PCSK6: variants seen among roughly 807,000 people sequenced by gnomAD.
PCSK6 encodes the protein proprotein convertase subtilisin/kexin type 6, also known as paired basic amino acid cleaving enzyme 4.
A neutral mutation model predicts 123.3 loss-of-function variants in PCSK6; 85 were observed. The ratio of observed to expected loss-of-function variants is 0.69; its 90% CI spans 0.58 to 0.83. PCSK6 has a LOEUF of 0.83. PCSK6 is among the 40% of genes least tolerant of loss of function. The pLI, the probability that PCSK6 is intolerant of heterozygous loss-of-function variation, is 0.00. For synonymous variants in PCSK6, 508 were observed against 516.0 expected (o/e 0.98, Z 0.21); for missense variants, 1,191 against 1,282.3 (o/e 0.93, Z 1.09).
Position 101,396,882 on chromosome 15 carries a change from G to A in PCSK6, c.996+1522C>T, listed in dbSNP as rs8029137. On this transcript the variant is annotated intron_variant, in intron 7 of 21. Transcript: ENST00000611716. ...CTTAATTTTCCTTCTCACATTTAGT[G>A]TCTGGGTGAGTACTAAACTCGGAGG... 9.0e-3 allele frequency among the ~76,000 whole-genome samples: 1,363 copies of A among 152,258 alleles called. 21 individuals carry two copies. The highest frequency in any genetic ancestry group is 0.031 in the African/African-American group (1,293 of 41,538).
chr15:101,458,660 T>C (rs1368017820), intron 1 of PCSK6, among the ~76,000 whole-genome samples: 2 of 152,160 alleles, frequency 1.3e-5, no homozygotes, highest in African/African-American at 4.8e-5. Flanking sequence ...AGGCTCCACA[T>C]ACCCAGCAGA....
intron 13 of PCSK6, chr15:101,347,132 C>T: frequency 8.1e-7 from 1 of 1,231,732 alleles, no homozygotes; most frequent in Non-Finnish European, 1.0e-6. Context: ...ATTGCACTTT[C>T]CAGAAATGAG....
At chr15:101,489,341 A>G (rs1266565289) in intron 1 of PCSK6, 33 bp downstream of exon 1, 77 of 1,105,566 alleles carry the variant, frequency 7.0e-5, no homozygotes, top group Non-Finnish European at 8.3e-5. Context: ...GCCGCCGGGA[A>G]AGTTTTGGGC....
intron 8 of PCSK6, among the ~76,000 whole-genome samples, 177 bp from the exon 9 acceptor site, chr15:101,389,741 C>T (rs1301728887): frequency 6.6e-6 from 1 of 152,220 alleles, no homozygotes; most frequent in African/African-American, 2.4e-5. Context: ...ACATCTGGTG[C>T]TCCCTGCTAA....
chr15:101,416,911 G>A (rs1201832826), intron 6 of PCSK6, among the ~76,000 whole-genome samples: 2 of 152,198 alleles, frequency 1.3e-5, no homozygotes, highest in East Asian at 1.9e-4. Flanking sequence ...CTGCAGGGGT[G>A]GGGCCCTCAT....
At chr15:101,345,948 G>A (rs539611457) in intron 13 of PCSK6, among the ~76,000 whole-genome samples, 6 of 152,324 alleles carry the variant, frequency 3.9e-5, no homozygotes, top group Non-Finnish European at 5.9e-5. Context: ...GATTACAAGC[G>A]TGAGCCACCA....
chr15:101,371,819 G>A (rs1321112839), intron 11 of PCSK6, among the ~76,000 whole-genome samples: 4 of 152,190 alleles, frequency 2.6e-5, no homozygotes, highest in Non-Finnish European at 5.9e-5. Flanking sequence ...CATGCTGATC[G>A]AGGGTGCCAA....
chr15:101,412,459 A>G (rs1451260863), intron 6 of PCSK6, among the ~76,000 whole-genome samples: 1 of 152,036 alleles, frequency 6.6e-6, no homozygotes, highest in Admixed American at 6.5e-5. Context: ...ATATTAATAA[A>G]GATTTTAAAG....
chr15:101,339,485 C>T (rs1357065296), intron 13 of PCSK6, among the ~76,000 whole-genome samples: 4 of 152,184 alleles, frequency 2.6e-5, no homozygotes, highest in Admixed American at 6.5e-5. Flanking sequence ...AAGCTTACTT[C>T]CATCCATTTA....
At chr15:101,341,503 C>T (rs1390399046) in intron 13 of PCSK6, among the ~76,000 whole-genome samples, 2 of 152,114 alleles carry the variant, frequency 1.3e-5, no homozygotes, top group Admixed American at 6.5e-5. Context: ...CTCAGGTGAT[C>T]TGGCCACCTT....
rs188547015 is a variant in PCSK6 at position 101,393,353 on chromosome 15, C to T, written c.1068G>A (p.Ser356=). The T allele has an allele frequency of 7.2e-5, 115 of 1,607,144 alleles. No individual in the cohort carries two copies. The East Asian group carries it at 1.7e-3, about 24-fold the overall frequency. ...GNGGREGDYC[S]CDGYTNSIYT... ...AGATGCTGTTGGTGTAGCCATCGCA[C>T]GAGCAGTAGTCCCCCTCTCTCCCGC... The change falls in exon 8 of 22, where the codon TCG becomes TCA. Residue 356 remains serine (S), a synonymous_variant. Coordinates refer to ENST00000611716, the MANE Select transcript of PCSK6 (RefSeq NM_002570.5).
chr15:101,326,254 G>A (rs2040249476), intron 16 of PCSK6, 123 bp downstream of exon 16: 3 of 697,350 alleles, frequency 4.3e-6, no homozygotes, highest in Non-Finnish European at 7.3e-6. Context: ...GTTAACTTCA[G>A]TGTGATGATT....
rs2141467292 is a variant in PCSK6, at chr15:101,370,494, G to C, written c.1562C>G (p.Thr521Ser). The change falls in exon 12 of 22, where the codon ACT (threonine) becomes AGT (serine). Residue 521 changes from threonine (T) to serine (S), a missense_variant. This residue lies in a region of PCSK6 where 630 missense variants were observed against 631.4 expected (regional missense o/e 1.00). Coordinates refer to ENST00000611716, the MANE Select transcript of PCSK6 (RefSeq NM_002570.5). ...RSIPLVQVLR[T>S]TALTSACAEH... ...CGCGCAGGCGCTGGTCAGGGCCGTA[G>C]TCCGCAGCACCTGCACTAAGGGGAT... is the stretch of plus-strand genomic sequence containing the variant. The C allele has an allele frequency of 6.5e-7, 1 of 1,535,830 alleles. No homozygotes were observed. Among genetic ancestry groups the C allele is most frequent in the East Asian group, 2.5e-5 (1 of 40,528 alleles).
intron 17 of PCSK6, among the ~76,000 whole-genome samples, chr15:101,324,409 C>T (rs547484589): frequency 7.8e-4 from 119 of 152,334 alleles, no homozygotes; most frequent in Non-Finnish European, 1.2e-3. Flanking sequence ...CCACGCCCAG[C>T]GCACACATCC....
intron 7 of PCSK6, among the ~76,000 whole-genome samples, chr15:101,396,691 A>C (rs1002458253): frequency 3.3e-5 from 5 of 151,968 alleles, no homozygotes; most frequent in African/African-American, 1.2e-4. Flanking sequence ...GCCAGCACTC[A>C]CTCAGCCCAG....
chr15:101,322,952 G>A (rs554004501), intron 17 of PCSK6, among the ~76,000 whole-genome samples: 6 of 152,224 alleles, frequency 3.9e-5, no homozygotes, highest in African/African-American at 1.4e-4. Flanking sequence ...TGGGCAGGTG[G>A]GGGGTGGAGA....
At chr15:101,403,072 C>G (rs2042642700) in intron 6 of PCSK6, among the ~76,000 whole-genome samples, 1 of 151,918 alleles carries the variant, frequency 6.6e-6, no homozygotes, top group Non-Finnish European at 1.5e-5. Context: ...ACATATACGC[C>G]ATGGAATACT....
chr15:101,351,682 T>C (rs1162600834), intron 13 of PCSK6, among the ~76,000 whole-genome samples: 1 of 151,716 alleles, frequency 6.6e-6, no homozygotes, highest in Non-Finnish European at 1.5e-5. Context: ...TATGTCAATA[T>C]CTATAAATAA....
chr15:101,393,661 G>A (rs2277586), intron 7 of PCSK6, among the ~76,000 whole-genome samples: 129,169 of 152,132 alleles, frequency 0.85, 55,031 homozygotes, highest in African/African-American at 0.88. Context: ...CATACGAGGG[G>A]AAGGGGCCAG....
Sources: gnomAD v4.1 joint callset for allele counts (sites outside exome capture counted in the v4.1 genomes callset) on GRCh38, gnomAD v4.1.1 for gene constraint, gnomAD v4.1.1 regional missense constraint, MANE v1.5 for transcripts, NCBI Gene and HGNC (gene_info 2026-07-23, HGNC 2026-07-21) for gene names.